PLXNA4: variants seen among roughly 807,000 people sequenced by gnomAD.
The protein encoded by PLXNA4 is plexin-A4.
A neutral mutation model predicts 191.8 loss-of-function variants in PLXNA4; 44 were observed. The observed-to-expected ratio is 0.23, with a 90% CI of 0.18 to 0.29. The LOEUF (loss-of-function observed/expected upper bound fraction) is 0.29, where lower values mean the gene tolerates loss of function less well. PLXNA4 is among the 10% of genes least tolerant of loss of function. The probability of loss-of-function intolerance (pLI) is 1.00; values close to 1 mark genes in which losing one functional copy is unlikely to be tolerated. For synonymous variants in PLXNA4, 1,082 were observed against 1,009.5 expected (o/e 1.07, Z -1.36); for missense variants, 1,800 against 2,488.8 (o/e 0.72, Z 5.89).
chr7:132,216,877 G>A (rs550986439), intron 9 of PLXNA4, among the ~76,000 whole-genome samples: 15 of 152,278 alleles, frequency 9.9e-5, no homozygotes, highest in African/African-American at 2.6e-4. Flanking sequence ...GAGGCAAGCC[G>A]TATCTCTGAA....
At chr7:132,239,576 T>C (rs756292138) in intron 5 of PLXNA4, among the ~76,000 whole-genome samples, 9 of 152,276 alleles carry the variant, frequency 5.9e-5, no homozygotes, top group Admixed American at 3.3e-4. Flanking sequence ...TACAGTCCCT[T>C]CCTCAGAGGC....
intron 13 of PLXNA4, among the ~76,000 whole-genome samples, chr7:132,195,424 C>A (rs1797224672): frequency 6.6e-6 from 1 of 152,174 alleles, no homozygotes. Context: ...GCAAAATGAA[C>A]CAACTGACAC....
chr7:132,567,310 G>T (rs112589528), intron 1 of PLXNA4, among the ~76,000 whole-genome samples: 1 of 22,422 alleles, frequency 4.5e-5, no homozygotes, highest in Non-Finnish European at 9.2e-5. Context: ...ACCCCCCGCC[G>T]CAATCTATCA....
intron 3 of PLXNA4, among the ~76,000 whole-genome samples, chr7:132,315,510 T>C (rs970210813): frequency 6.6e-6 from 1 of 152,226 alleles, no homozygotes; most frequent in Non-Finnish European, 1.5e-5. Context: ...GTTGTATCTA[T>C]GAACAAACTA....
At position 132,359,209 on chromosome 7, in the gene PLXNA4, C is replaced by CTTT. The variant is rs57415453; in HGVS notation, c.1372-60990_1372-60988dup. Among the ~76,000 whole-genome samples, 244 of 110,904 alleles carry CTTT rather than the reference C, an allele frequency of 2.2e-3. 2 individuals carry two copies. Among genetic ancestry groups the CTTT allele is most frequent in the African/African-American group, 4.9e-3 (136 of 27,940 alleles). The allele number at this position is 110,904 out of a possible 152,430, so 72.8% of individuals were successfully genotyped here. Reference sequence around the variant, plus strand: ...TTTCAGAAGGAAAAAGTCAAGGCTGCTTTTTTTTTTTTTTTTTTTTTTTTA... The same window carrying CTTT: ...TTTCAGAAGGAAAAAGTCAAGGCTGCTTTTTTTTTTTTTTTTTTTTTTTTTTTA... On this transcript the variant is annotated intron_variant, in intron 3 of 31. Transcript: ENST00000321063.
intron 4 of PLXNA4, among the ~76,000 whole-genome samples, chr7:132,294,318 C>T (rs1800997655): frequency 6.6e-6 from 1 of 152,182 alleles, no homozygotes; most frequent in Non-Finnish European, 1.5e-5. Context: ...TTTCTGTGTC[C>T]AGAGCACTCT....
intron 9 of PLXNA4, among the ~76,000 whole-genome samples, chr7:132,213,822 G>C (rs1234729202): frequency 6.6e-6 from 1 of 152,144 alleles, no homozygotes; most frequent in Non-Finnish European, 1.5e-5. Context: ...TCCCTGGAGG[G>C]AATCAGATCT....
At chr7:132,525,426 T>A (rs1799361819) in intron 1 of PLXNA4, among the ~76,000 whole-genome samples, 1 of 152,154 alleles carries the variant, frequency 6.6e-6, no homozygotes, top group South Asian at 2.1e-4. Flanking sequence ...ATTTTTAAAA[T>A]TTTTGTAGAG....
At chr7:132,481,648 CCAAA>C (rs1182341115) in intron 3 of PLXNA4, among the ~76,000 whole-genome samples, 2 of 152,200 alleles carry the variant, frequency 1.3e-5, no homozygotes, top group African/African-American at 4.8e-5. Context: ...TCTGCCAGCC[CCAAA>C]CACTAAGGAA....
intron 3 of PLXNA4, among the ~76,000 whole-genome samples, chr7:132,345,365 T>C (rs1283819339): frequency 2.0e-5 from 3 of 152,246 alleles, no homozygotes; most frequent in Non-Finnish European, 4.4e-5. Flanking sequence ...ACATACCATA[T>C]GTGCATTAAG....
intron 4 of PLXNA4, among the ~76,000 whole-genome samples, chr7:132,252,361 G>T (rs1799285114): frequency 7.5e-6 from 1 of 132,582 alleles, no homozygotes; most frequent in Non-Finnish European, 1.5e-5. Context: ...GCCCAGGCTG[G>T]AGTGCAGTGG....
chr7:132,359,864 G>A (rs1803865397), intron 3 of PLXNA4, among the ~76,000 whole-genome samples: 1 of 152,254 alleles, frequency 6.6e-6, no homozygotes, highest in African/African-American at 2.4e-5. Flanking sequence ...ACAGGGAGCG[G>A]GGAAGTCCTG....
At chr7:132,448,447 T>C (rs1795990297) in intron 3 of PLXNA4, among the ~76,000 whole-genome samples, 1 of 152,196 alleles carries the variant, frequency 6.6e-6, no homozygotes, top group Non-Finnish European at 1.5e-5. Context: ...TTCTTTTTTC[T>C]GCAGAGCCAA....
intron 4 of PLXNA4, among the ~76,000 whole-genome samples, chr7:132,279,677 G>C (rs1226397180): frequency 1.3e-5 from 2 of 151,998 alleles, no homozygotes; most frequent in African/African-American, 2.4e-5. Context: ...TGGAAGTCAA[G>C]GTCTCACAAG....
intron 3 of PLXNA4, among the ~76,000 whole-genome samples, chr7:132,352,998 C>G (rs1421417645): frequency 6.6e-6 from 1 of 152,118 alleles, no homozygotes; most frequent in African/African-American, 2.4e-5. Flanking sequence ...AAAAAAATCC[C>G]AAATTCCTTA....
intron 3 of PLXNA4, among the ~76,000 whole-genome samples, chr7:132,426,881 G>A (rs1795065391): frequency 6.6e-6 from 1 of 152,184 alleles, no homozygotes; most frequent in South Asian, 2.1e-4. Flanking sequence ...CTCTAAGGGG[G>A]AAAAGGTGAT....
chr7:132,340,144 T>C (rs972677612), intron 3 of PLXNA4, among the ~76,000 whole-genome samples: 33 of 152,206 alleles, frequency 2.2e-4, no homozygotes, highest in African/African-American at 7.7e-4. Context: ...TCTGTGGCAG[T>C]TGAGACAGAG....
At chr7:132,192,147 C>T (rs1207364290) in intron 14 of PLXNA4, among the ~76,000 whole-genome samples, 1 of 152,164 alleles carries the variant, frequency 6.6e-6, no homozygotes, top group Non-Finnish European at 1.5e-5. Flanking sequence ...ACGACACTCA[C>T]GTTTCTCTAA....
At chr7:132,132,183 T>C (rs1411669359) in intron 31 of PLXNA4, among the ~76,000 whole-genome samples, 1 of 152,178 alleles carries the variant, frequency 6.6e-6, no homozygotes, top group Non-Finnish European at 1.5e-5. Context: ...TGCACATGCC[T>C]GTGTCTTCCT....
Sources: allele counts gnomAD v4.1 joint callset (sites outside exome capture counted in the v4.1 genomes callset), GRCh38; gene constraint gnomAD v4.1.1; transcripts MANE v1.5; gene names NCBI Gene and HGNC (gene_info 2026-07-23, HGNC 2026-07-21).